SLC9C2: variants seen among roughly 807,000 people sequenced by gnomAD.
SLC9C2 encodes the protein solute carrier family 9 member C2 (putative), also known as sodium/hydrogen exchanger 11.
SLC9C2 carries 75 observed loss-of-function variants against 140.2 expected under a neutral mutation model. That is an observed-to-expected ratio of 0.53 (90% confidence interval 0.44 to 0.65). The LOEUF (loss-of-function observed/expected upper bound fraction) is 0.65. Among genes scored for constraint, SLC9C2 ranks in the 30% least tolerant of loss-of-function variants. The pLI, the probability that SLC9C2 is intolerant of heterozygous loss-of-function variation, is 0.00. For synonymous variants in SLC9C2, 375 were observed against 420.9 expected (o/e 0.89, Z 1.34); for missense variants, 1,074 against 1,331.8 (o/e 0.81, Z 3.01).
rs550935838 is a variant in SLC9C2 at position 173,588,989 on chromosome 1, G to C, written c.358-1159C>G. Among the ~76,000 whole-genome samples, 74 of 152,260 alleles carry C rather than the reference G, an allele frequency of 4.9e-4. 2 individuals carry two copies. In the South Asian group the frequency reaches 0.014, roughly 30 times the overall value. On this transcript the variant is annotated intron_variant, in intron 4 of 27. Coordinates refer to ENST00000367714, the MANE Select transcript of SLC9C2 (RefSeq NM_178527.4). ...GCTACTCAGGAAACTGAGGTGGGAGGATTGCTTAAGCACAGGAGTTTGAGG... is the reference window on the plus strand; with the variant it reads ...GCTACTCAGGAAACTGAGGTGGGAGCATTGCTTAAGCACAGGAGTTTGAGG...
intron 13 of SLC9C2, among the ~76,000 whole-genome samples, chr1:173,545,760 G>A (rs1411627176): frequency 6.6e-6 from 1 of 152,202 alleles, no homozygotes; most frequent in Non-Finnish European, 1.5e-5. Context: ...TGGGCAAACT[G>A]TGGAACAGTA....
At chr1:173,576,801 T>C (rs756434585) in intron 7 of SLC9C2, 41 bp from the exon 8 acceptor site, 2 of 1,216,944 alleles carry the variant, frequency 1.6e-6, no homozygotes, top group African/African-American at 1.5e-5. Flanking sequence ...ATGCAATGTA[T>C]TCATATCTGC....
intron 5 of SLC9C2, among the ~76,000 whole-genome samples, chr1:173,586,642 A>G (rs935847139): frequency 1.4e-4 from 22 of 152,244 alleles, no homozygotes; most frequent in African/African-American, 4.8e-4. Context: ...ATGCCCATCC[A>G]TGATAGACTG....
chr1:173,594,867 C>G (rs1338517224), intron 4 of SLC9C2, among the ~76,000 whole-genome samples: 1 of 152,072 alleles, frequency 6.6e-6, no homozygotes, highest in Admixed American at 6.6e-5. Flanking sequence ...AGAGCACTTA[C>G]AGTGTCAATA....
At position 173,587,604 on chromosome 1, in the gene SLC9C2, C is replaced by T; in HGVS notation, c.523+61G>A. Reference sequence around the variant, plus strand: ...ACAATTCATGCAAGAAAAATATAATCAAAAGAAAATAATGTACCCTTATAT... The same window carrying T: ...ACAATTCATGCAAGAAAAATATAATTAAAAGAAAATAATGTACCCTTATAT... On this transcript the variant is annotated intron_variant, in intron 5 of 27. Transcript: ENST00000367714. The T allele has an allele frequency of 2.7e-6, 4 of 1,456,150 alleles. No individual in the cohort carries two copies. The South Asian group carries it at 5.3e-5, about 19-fold the overall frequency. 90.2% of individuals were successfully genotyped at this position (1,456,150 alleles called of 1,614,324 possible). A position where few individuals can be genotyped will look rare whatever the true frequency, so the allele number is the denominator to read the frequency against.
At chr1:173,560,807 G>GT (rs927510813) in intron 9 of SLC9C2, among the ~76,000 whole-genome samples, 5 of 151,516 alleles carry the variant, frequency 3.3e-5, no homozygotes, top group African/African-American at 4.8e-5. Context: ...AATTTTTATT[G>GT]TTTTTTTTAG....
chr1:173,566,456 A>G (rs1461541477), intron 9 of SLC9C2, among the ~76,000 whole-genome samples: 3 of 151,942 alleles, frequency 2.0e-5, no homozygotes, highest in African/African-American at 7.2e-5. Context: ...AGGTTTTCCA[A>G]TTTATTGGCA....
At chr1:173,587,416 T>A (rs1412662286) in intron 5 of SLC9C2, among the ~76,000 whole-genome samples, 1 of 152,162 alleles carries the variant, frequency 6.6e-6, no homozygotes, top group African/African-American at 2.4e-5. Flanking sequence ...AGAAGGTTAC[T>A]TTTTCTTTGA....
chr1:173,503,801 T>A (rs1659444456), intron 26 of SLC9C2, among the ~76,000 whole-genome samples: 1 of 152,170 alleles, frequency 6.6e-6, no homozygotes, highest in African/African-American at 2.4e-5. Flanking sequence ...AAGTGACTCT[T>A]AAACAAATTA....
intron 2 of SLC9C2, 82 bp downstream of exon 2, chr1:173,601,568 G>A (rs925645229): frequency 1.3e-6 from 2 of 1,481,656 alleles, no homozygotes; most frequent in Non-Finnish European, 1.8e-6. Flanking sequence ...TTCTTTTGAT[G>A]TTATGTAGTT....
At chr1:173,602,425 G>T (rs1320987037) in intron 1 of SLC9C2, among the ~76,000 whole-genome samples, 2 of 152,176 alleles carry the variant, frequency 1.3e-5, no homozygotes, top group Non-Finnish European at 2.9e-5. Context: ...GTTAAGGTTG[G>T]GGGTGAGGAT....
At chr1:173,537,831 G>C (rs1662089399) in intron 13 of SLC9C2, among the ~76,000 whole-genome samples, 1 of 152,006 alleles carries the variant, frequency 6.6e-6, no homozygotes, top group Non-Finnish European at 1.5e-5. Flanking sequence ...CCCTAAAATA[G>C]CAGAAAAATT....
chr1:173,602,167 C>T (rs1425490035), intron 1 of SLC9C2, among the ~76,000 whole-genome samples: 3 of 152,156 alleles, frequency 2.0e-5, no homozygotes, highest in Non-Finnish European at 4.4e-5. Flanking sequence ...AAGGCCAGGG[C>T]CCGAACTTTC....
chr1:173,516,692 T>A (rs1157977220), intron 23 of SLC9C2, among the ~76,000 whole-genome samples: 1 of 152,222 alleles, frequency 6.6e-6, no homozygotes, highest in Non-Finnish European at 1.5e-5. Context: ...ATATGTACCA[T>A]GTTTTCTTTA....
rs150276483 is a variant in SLC9C2 at position 173,593,829 on chromosome 1, A to G, written c.357+4075T>C. On this transcript the variant is annotated intron_variant, in intron 4 of 27. Coordinates refer to ENST00000367714, the MANE Select transcript of SLC9C2 (RefSeq NM_178527.4). ...TTCAATTCAACAAGAAGACCTAACTATCCTAAATATATATGTACCCAACAC... is the reference window on the plus strand; with the variant it reads ...TTCAATTCAACAAGAAGACCTAACTGTCCTAAATATATATGTACCCAACAC... 6.3e-3 allele frequency among the ~76,000 whole-genome samples: 960 copies of G among 152,344 alleles called. 7 individuals carry two copies. The highest frequency in any genetic ancestry group is 9.5e-3 in the Non-Finnish European group (647 of 68,032).
At chr1:173,562,688 G>A (rs1031752909) in intron 9 of SLC9C2, among the ~76,000 whole-genome samples, 6 of 152,074 alleles carry the variant, frequency 3.9e-5, no homozygotes, top group Admixed American at 1.3e-4. Context: ...AAATCTGCAC[G>A]TATTTAGCAT....
intron 23 of SLC9C2, among the ~76,000 whole-genome samples, chr1:173,510,120 G>A (rs1659937839): frequency 6.6e-6 from 1 of 152,086 alleles, no homozygotes; most frequent in South Asian, 2.1e-4. Context: ...TCAGATTCAA[G>A]TTACACGAAC....
intron 13 of SLC9C2, 71 bp downstream of exon 13, chr1:173,547,618 G>T: frequency 8.5e-7 from 1 of 1,179,304 alleles, no homozygotes; most frequent in Non-Finnish European, 1.2e-6. Flanking sequence ...CAAGTCATCT[G>T]AAAATCATAT....
intron 11 of SLC9C2, among the ~76,000 whole-genome samples, chr1:173,551,476 C>G (rs1263683927): frequency 6.6e-6 from 1 of 152,176 alleles, no homozygotes; most frequent in Admixed American, 6.5e-5. Context: ...TCTGCAGCAA[C>G]CCTGCATCTA....
Sources: gnomAD v4.1 joint callset for allele counts (sites outside exome capture counted in the v4.1 genomes callset) on GRCh38, gnomAD v4.1.1 for gene constraint, MANE v1.5 for transcripts, NCBI Gene and HGNC (gene_info 2026-07-23, HGNC 2026-07-21) for gene names.